The following TOPAZ1 variants were observed in gnomAD, a reference collection of about 807,000 sequenced individuals.
TOPAZ1 encodes testis and ovary specific TOPAZ 1.
In TOPAZ1, 66 loss-of-function variants were observed where a neutral mutation model predicts 172.2. That is an observed-to-expected ratio of 0.38 (90% CI 0.31 to 0.47). The LOEUF is 0.47. TOPAZ1 is among the 20% of genes least tolerant of loss of function. The pLI is 0.99. For synonymous variants in TOPAZ1, 681 were observed against 683.9 expected, an observed-to-expected ratio of 1.00 and a Z score of 0.07; for missense variants, 1,822 against 1,972.4, an observed-to-expected ratio of 0.92 and a Z score of 1.44.
chr3:44,242,558 C>T (rs748126317), intron 1 of TOPAZ1, among the ~76,000 whole-genome samples, 159 bp downstream of exon 1: 44 of 152,134 alleles, frequency 2.9e-4, no homozygotes, highest in Non-Finnish European at 5.6e-4. Flanking sequence ...AAGGGGTGTT[C>T]CCTGTTAGGA....
At chr3:44,251,000 GC>G (rs1699623522) in intron 2 of TOPAZ1, among the ~76,000 whole-genome samples, 1 of 152,132 alleles carries the variant, frequency 6.6e-6, no homozygotes, top group Non-Finnish European at 1.5e-5. Flanking sequence ...CATAATAATT[GC>G]CCCAGTAAAT....
intron 15 of TOPAZ1, 129 bp from the exon 16 acceptor site, chr3:44,309,696 G>T (rs1420631113): frequency 7.4e-6 from 5 of 671,842 alleles, no homozygotes; most frequent in Non-Finnish European, 1.3e-5. Flanking sequence ...AAGAGTCTTG[G>T]AGCAGCTTAA....
chr3:44,267,196 T>G, intron 6 of TOPAZ1, 60 bp downstream of exon 6: 1 of 1,342,454 alleles, frequency 7.4e-7, no homozygotes, highest in Non-Finnish European at 9.7e-7. Context: ...AACTAGGAGA[T>G]TTTTCTACCA....
chr3:44,302,492 T>C (rs756971459), intron 12 of TOPAZ1, among the ~76,000 whole-genome samples: 11 of 152,214 alleles, frequency 7.2e-5, no homozygotes, highest in Non-Finnish European at 1.2e-4. Context: ...CTAAATTTCA[T>C]ATACAATGGG....
chr3:44,306,154 C>T (rs1223399445), intron 14 of TOPAZ1, among the ~76,000 whole-genome samples, 172 bp from the exon 15 acceptor site: 1 of 152,112 alleles, frequency 6.6e-6, no homozygotes, highest in African/African-American at 2.4e-5. Context: ...TCTTTTTAAA[C>T]GATGCTTTGA....
Position 44,243,213 on chromosome 3 carries a change from A to G in TOPAZ1, c.707A>G (p.Lys236Arg). ...LRDCNCFPHS[K>R]GCNDENNLPY... The stretch of plus-strand genomic sequence containing the variant: ...GATTGCAATTGTTTCCCCCATTCCA[A>G]GGGTTGTAATGATGAAAACAACCTG... The change falls in exon 2 of 20, where the codon AAG becomes AGG. Residue 236 changes from lysine to arginine, a missense_variant. Lys to Arg is a conservative substitution (Grantham distance 26, BLOSUM62 2). Transcript: ENST00000309765. 1.3e-6 allele frequency: 2 copies of G among 1,549,326 alleles called. No homozygotes were observed. The highest frequency in any genetic ancestry group is 8.7e-7 in the Non-Finnish European group (1 of 1,146,358).
In TOPAZ1 at chr3:44,242,178, G is replaced by T. The variant is rs930583425; in HGVS notation, c.125G>T (p.Gly42Val). ...AAGGCGPEAG[G>V]CRENKQKRRM... The stretch of plus-strand genomic sequence containing the variant: ...GGAGGCTGTGGCCCTGAGGCCGGGG[G>T]GTGCCGGGAAAATAAGCAAAAGAGG... The change falls in exon 1 of 20, where the codon GGG (glycine) becomes GTG (valine). Residue 42 changes from glycine (G) to valine (V), a missense_variant. Gly to Val is a moderately radical substitution (Grantham distance 109). Coordinates refer to ENST00000309765, the MANE Select transcript of TOPAZ1 (RefSeq NM_001145030.2). 7 of 1,545,224 alleles carry T rather than the reference G, an allele frequency of 4.5e-6. No homozygotes were observed. The highest frequency in any genetic ancestry group is 6.1e-6 in the Non-Finnish European group (7 of 1,145,350).
chr3:44,245,030 A>G lies in TOPAZ1; in HGVS notation c.2524A>G (p.Thr842Ala), dbSNP rs2125675999. 1 of 1,551,700 alleles carries G rather than the reference A, an allele frequency of 6.4e-7. No homozygotes were observed. Among genetic ancestry groups the G allele is most frequent in the Middle Eastern group, 1.7e-4 (1 of 5,992 alleles). ...VSSEVRGRKI[T>A]KNFSEVGFPD... ...CAGTGAAGTTAGGGGTAGAAAAATA[A>G]CTAAGAATTTTTCAGAGGTAGGGTT... Residue 842 changes from threonine (T) to alanine (A), a missense_variant, in exon 2 of 20, where the codon ACT becomes GCT. Physicochemically the swap from Thr to Ala is moderately conservative, Grantham distance 58. Transcript: ENST00000309765.
chr3:44,255,525 AC>A (rs1455067729), intron 3 of TOPAZ1, among the ~76,000 whole-genome samples: 2 of 151,446 alleles, frequency 1.3e-5, no homozygotes, highest in African/African-American at 4.9e-5. Context: ...GGTGGCAGGC[AC>A]CTGTAGTCCC....
In TOPAZ1 at chr3:44,281,995, A is replaced by G. The variant is rs1242528564; in HGVS notation, c.3400A>G (p.Ile1134Val). 8 of 1,547,954 alleles carry G rather than the reference A, an allele frequency of 5.2e-6. No homozygotes were observed. In the South Asian group the frequency reaches 7.2e-5, roughly 14 times the overall value. ...KVCMDVFKKY[I>V]NINELCLLQR... ...TTGCATGGATGTGTTTAAGAAATAT[A>G]TAAATATCAATGAACTGTGTTTGCT... Residue 1134 changes from isoleucine (I) to valine (V), a missense_variant, in exon 9 of 20, where the codon ATA (isoleucine) becomes GTA (valine). By Grantham distance (29) the Ile-to-Val change is conservative. Transcript: ENST00000309765.
At chr3:44,301,218 A>G (rs777571794) in intron 12 of TOPAZ1, among the ~76,000 whole-genome samples, 4 of 152,208 alleles carry the variant, frequency 2.6e-5, no homozygotes, top group Non-Finnish European at 4.4e-5. Context: ...ACACAAATAC[A>G]TGTAAAAATT....
intron 16 of TOPAZ1, among the ~76,000 whole-genome samples, chr3:44,315,004 A>G (rs1700435809): frequency 6.6e-6 from 1 of 152,154 alleles, no homozygotes; most frequent in Non-Finnish European, 1.5e-5. Context: ...CACTGCTATA[A>G]ATACTACCAT....
chr3:44,294,099 T>C (rs1340410535), intron 12 of TOPAZ1, among the ~76,000 whole-genome samples: 1 of 151,944 alleles, frequency 6.6e-6, no homozygotes, highest in East Asian at 1.9e-4. Context: ...AATCAGCCAG[T>C]TGTAGTGGTG....
intron 2 of TOPAZ1, among the ~76,000 whole-genome samples, chr3:44,251,768 CCT>C (rs916550198): frequency 6.6e-6 from 1 of 152,098 alleles, no homozygotes; most frequent in African/African-American, 2.4e-5. Flanking sequence ...CTTACTCTCT[CCT>C]CTCCTTTTTA....
chr3:44,241,962 A>G lies in TOPAZ1; in HGVS notation c.-92A>G. 1 of 1,211,746 alleles carries G rather than the reference A, an allele frequency of 8.3e-7. No individual in the cohort carries two copies. Among genetic ancestry groups the G allele is most frequent in the Non-Finnish European group, 1.1e-6 (1 of 871,986 alleles). The allele number at this position is 1,211,746 out of a possible 1,614,324, so 75.1% of individuals were successfully genotyped here. ...GGCGGTGTGGGGTGGGTCAGAGGGCAGTAGGTACCTCCAGGCGGGAGCAGC... is the reference window on the plus strand; with the variant it reads ...GGCGGTGTGGGGTGGGTCAGAGGGCGGTAGGTACCTCCAGGCGGGAGCAGC... On this transcript the variant is annotated 5_prime_UTR_variant, in exon 1 of 20. Transcript: ENST00000309765.
At chr3:44,289,911 A>G (rs764482223) in intron 11 of TOPAZ1, among the ~76,000 whole-genome samples, 8 of 152,228 alleles carry the variant, frequency 5.3e-5, no homozygotes, top group African/African-American at 9.6e-5. Context: ...CCAGAATAGA[A>G]CCAAATAAAA....
In TOPAZ1 at chr3:44,277,983, A is replaced by G. The variant is rs149857728; in HGVS notation, c.3373-3985A>G. On this transcript the variant is annotated intron_variant, in intron 8 of 19. Coordinates refer to ENST00000309765, the MANE Select transcript of TOPAZ1 (RefSeq NM_001145030.2). ...TTTTCTTTGTAAATTACCCAGTCTC[A>G]GATATTTCTTTATAGCAATGCAAGA... Among the ~76,000 whole-genome samples the G allele has an allele frequency of 2.7e-3, 407 of 152,302 alleles. 2 individuals carry two copies. The highest frequency in any genetic ancestry group is 0.016 in the East Asian group (82 of 5,186).
intron 18 of TOPAZ1, among the ~76,000 whole-genome samples, chr3:44,326,376 GT>G (rs1220726170): frequency 6.6e-6 from 1 of 152,118 alleles, no homozygotes; most frequent in Non-Finnish European, 1.5e-5. Flanking sequence ...TATCATTACA[GT>G]TTTGGTTTTC....
chr3:44,290,229 C>T (rs1033158435), intron 11 of TOPAZ1, among the ~76,000 whole-genome samples: 1 of 152,168 alleles, frequency 6.6e-6, no homozygotes, highest in African/African-American at 2.4e-5. Context: ...CCAGATATTC[C>T]CTTGTTGGTT....
Sources: allele counts gnomAD v4.1 joint callset (sites outside exome capture counted in the v4.1 genomes callset), GRCh38; gene constraint gnomAD v4.1.1; transcripts MANE v1.5; gene names NCBI Gene and HGNC (gene_info 2026-07-23, HGNC 2026-07-21).